DOCK8: variants seen among roughly 807,000 people sequenced by gnomAD.
The protein encoded by DOCK8 is dedicator of cytokinesis 8.
Under a neutral mutation model 245.6 loss-of-function variants are expected in DOCK8, and 141 were observed. The ratio of observed to expected loss-of-function variants is 0.57; its 90% CI spans 0.50 to 0.66. The LOEUF is 0.66. DOCK8 is among the 30% of genes least tolerant of loss of function. DOCK8 has a pLI of 0.00. For synonymous variants in DOCK8, 1,168 were observed against 970.2 expected (o/e 1.20, Z -3.79); for missense variants, 2,965 against 2,603.4 (o/e 1.14, Z -3.02).
chr9:422,676 A>G (rs1429237708), intron 33 of DOCK8, among the ~76,000 whole-genome samples: 1 of 152,224 alleles, frequency 6.6e-6, no homozygotes, highest in Non-Finnish European at 1.5e-5. Context: ...ATGTTAAATG[A>G]ACAAAGGCAG....
rs780778565 is a variant in DOCK8, at chr9:414,885, G to A, written c.3634G>A (p.Ala1212Thr). Residue 1212 changes from alanine (A) to threonine (T), a missense_variant, in exon 29 of 48, where the codon GCC becomes ACC. By Grantham distance (58) the Ala-to-Thr change is moderately conservative. This residue lies in a region of DOCK8 where 2,825 missense variants were observed against 2,453.5 expected (regional missense o/e 1.15). Coordinates refer to ENST00000432829, the MANE Select transcript of DOCK8 (RefSeq NM_203447.4). ...CAAACCAGAGGTGAAGGTCAAAATC[G>A]CCGCCCTTTACCTACCTTTAGTTGG... ...CVKPEVKVKI[A>T]ALYLPLVGII... 12 of 1,613,992 alleles carry A rather than the reference G, an allele frequency of 7.4e-6. No individual in the cohort carries two copies. Among genetic ancestry groups the A allele is most frequent in the Middle Eastern group, 1.6e-4 (1 of 6,078 alleles).
At chr9:257,245 C>T (rs2047799166) in intron 1 of DOCK8, among the ~76,000 whole-genome samples, 1 of 152,170 alleles carries the variant, frequency 6.6e-6, no homozygotes, top group Non-Finnish European at 1.5e-5. Context: ...AGTAGAATAT[C>T]TTAGTTAAAT....
chr9:369,462 T>A (rs1276090612), intron 15 of DOCK8: 1 of 152,356 alleles, frequency 6.6e-6, no homozygotes, highest in African/African-American at 2.4e-5. Flanking sequence ...GTGCACTTGT[T>A]CATAATGCAT....
At chr9:226,751 T>C (rs996322383) in intron 1 of DOCK8, among the ~76,000 whole-genome samples, 1 of 152,178 alleles carries the variant, frequency 6.6e-6, no homozygotes, top group East Asian at 1.9e-4. Context: ...ATATGGAGTC[T>C]AAGATGCATG....
chr9:216,537 C>CCAAAAAAAAAAA (rs2046756763), intron 1 of DOCK8, among the ~76,000 whole-genome samples: 1 of 88,922 alleles, frequency 1.1e-5, no homozygotes, highest in African/African-American at 4.5e-5. Flanking sequence ...AAAAAACAGA[C>CCAAAAAAAAAAA]AAAAAAAAAA....
At chr9:413,551 C>G (rs1202130013) in intron 28 of DOCK8, among the ~76,000 whole-genome samples, 1 of 152,134 alleles carries the variant, frequency 6.6e-6, no homozygotes, top group African/African-American at 2.4e-5. Context: ...TAAAATCTTA[C>G]AACTCAGTAA....
In DOCK8 at chr9:373,792, G is replaced by C. The variant is rs78843115; in HGVS notation, c.2109+1506G>C. 7.9e-5 allele frequency among the ~76,000 whole-genome samples: 12 copies of C among 152,230 alleles called. No homozygotes were observed. In the East Asian group the frequency reaches 2.1e-3, roughly 27 times the overall value. The stretch of plus-strand genomic sequence containing the variant: ...ACTTCTCTCATCAAAGCCATCTAAG[G>C]GGCAATCCGAGTATGTCCACAGACA... On this transcript the variant is annotated intron_variant, in intron 18 of 47. Transcript: ENST00000432829.
chr9:443,543 C>T (rs1206358403), intron 43 of DOCK8, 27 bp downstream of exon 43: 2 of 1,564,540 alleles, frequency 1.3e-6, no homozygotes, highest in Non-Finnish European at 8.8e-7. Context: ...AAAAACTAAC[C>T]ATCAAGCTCT....
At chr9:307,399 G>GC (rs2049895190) in intron 5 of DOCK8, among the ~76,000 whole-genome samples, 1 of 108,302 alleles carries the variant, frequency 9.2e-6, no homozygotes, top group African/African-American at 3.7e-5. Context: ...TGCTCTTATT[G>GC]CCAGGCTGGA....
intron 1 of DOCK8, among the ~76,000 whole-genome samples, chr9:264,344 T>C (rs975391926): frequency 3.3e-5 from 5 of 152,232 alleles, no homozygotes; most frequent in Non-Finnish European, 7.3e-5. Flanking sequence ...AGAGGAATTT[T>C]CTCAGTGAAA....
intron 25 of DOCK8, 67 bp from the exon 26 acceptor site, chr9:399,079 C>G: frequency 1.4e-6 from 2 of 1,453,818 alleles, no homozygotes; most frequent in Non-Finnish European, 1.9e-6. Context: ...AATGTTCCCA[C>G]CAGTGACCTG....
chr9:434,688 C>G (rs1490016184), intron 38 of DOCK8, 95 bp from the exon 39 acceptor site: 4 of 1,357,084 alleles, frequency 2.9e-6, no homozygotes, highest in Admixed American at 1.9e-5. Context: ...ACAGGGAACT[C>G]TTGGGGAGAA....
intron 3 of DOCK8, among the ~76,000 whole-genome samples, chr9:289,122 A>T (rs1023149238): frequency 6.6e-6 from 1 of 152,166 alleles, no homozygotes; most frequent in South Asian, 2.1e-4. Context: ...CGCGTGTCCT[A>T]ACAAGGTTAC....
chr9:426,740 G>C lies in DOCK8; in HGVS notation c.4242-145G>C, dbSNP rs10974366. 49,639 of 709,070 alleles carry C rather than the reference G, an allele frequency of 0.07. 2,262 individuals are homozygous for C. The highest frequency in any genetic ancestry group is 0.17 in the African/African-American group (9,453 of 57,130). The allele number at this position is 709,070 out of a possible 1,614,324, so 43.9% of individuals were successfully genotyped here. On this transcript the variant is annotated intron_variant, in intron 33 of 47. Transcript: ENST00000432829. ...ATGAATCACAGAAGGCACCTGCACT[G>C]TAGTTACTCAGGGCCAGTTGCTCTG... is the stretch of plus-strand genomic sequence containing the variant.
At chr9:342,130 G>A (rs1285967808) in intron 14 of DOCK8, among the ~76,000 whole-genome samples, 1 of 151,990 alleles carries the variant, frequency 6.6e-6, no homozygotes, top group Non-Finnish European at 1.5e-5. Context: ...GAATGTGCTT[G>A]AGTCATCCCA....
intron 1 of DOCK8, among the ~76,000 whole-genome samples, chr9:248,544 T>C (rs1205489683): frequency 6.8e-5 from 4 of 58,650 alleles, no homozygotes; most frequent in African/African-American, 2.2e-4. Flanking sequence ...TTTCTTTCTT[T>C]CTTTCTCTCT....
chr9:437,270 C>T (rs1218025896), intron 39 of DOCK8, among the ~76,000 whole-genome samples: 1 of 152,206 alleles, frequency 6.6e-6, no homozygotes, highest in Non-Finnish European at 1.5e-5. Context: ...CACCACTTCC[C>T]ATCTCTGCCA....
intron 46 of DOCK8, chr9:452,557 G>C (rs1273461707): frequency 6.4e-6 from 1 of 156,840 alleles, no homozygotes; most frequent in Non-Finnish European, 1.4e-5. Context: ...CTCAAACCAG[G>C]TCTTCTGAAT....
intron 25 of DOCK8, among the ~76,000 whole-genome samples, chr9:397,816 G>C (rs1460687727): frequency 1.3e-5 from 2 of 152,158 alleles, no homozygotes; most frequent in African/African-American, 2.4e-5. Flanking sequence ...ATGTTTTTAT[G>C]TTCATAGAAT....
Sources: allele counts gnomAD v4.1 joint callset (sites outside exome capture counted in the v4.1 genomes callset), GRCh38; gene constraint gnomAD v4.1.1; regional missense constraint gnomAD v4.1.1; transcripts MANE v1.5; gene names NCBI Gene and HGNC (gene_info 2026-07-23, HGNC 2026-07-21).